EPS8L3: variants seen among roughly 807,000 people sequenced by gnomAD.
EPS8L3 encodes the protein epidermal growth factor receptor kinase substrate 8-like protein 3.
In EPS8L3, 80 loss-of-function variants were observed where a neutral mutation model predicts 88.5. That is an observed-to-expected ratio of 0.90 (90% CI 0.75 to 1.09). The LOEUF is 1.09. EPS8L3 is among the 50% of genes least tolerant of loss of function. EPS8L3 has a pLI of 0.00. For missense variants in EPS8L3, 721 were observed against 735.2 expected, an observed-to-expected ratio of 0.98 and a Z score of 0.22; for synonymous variants, 286 against 291.0, an observed-to-expected ratio of 0.98 and a Z score of 0.18.
In EPS8L3 at chr1:109,757,809, T is replaced by C. The variant is rs775118605; in HGVS notation, c.887A>G (p.Asn296Ser). 3 of 1,613,930 alleles carry C rather than the reference T, an allele frequency of 1.9e-6. No homozygotes were observed. The highest frequency in any genetic ancestry group is 2.2e-5 in the East Asian group (1 of 44,850). Reference sequence around the variant, plus strand: ...TTGTGGGGAGCCACCTACCAGGAGGTTGAAGCTGTGCTTGATCTTCTGGAA... The same window carrying C: ...TTGTGGGGAGCCACCTACCAGGAGGCTGAAGCTGTGCTTGATCTTCTGGAA... ...DCFQKIKHSFNLLGRLATWLK... is the reference protein window; with the variant it reads ...DCFQKIKHSFSLLGRLATWLK... Residue 296 changes from asparagine (N) to serine (S), a missense_variant, in exon 10 of 19, where the codon AAC becomes AGC. Physicochemically the swap from Asn to Ser is conservative, Grantham distance 46 (BLOSUM62 1). Coordinates refer to ENST00000361965, the MANE Select transcript of EPS8L3 (RefSeq NM_133181.4).
intron 12 of EPS8L3, 44 bp from the exon 13 acceptor site, chr1:109,753,242 T>C (rs1649977260): frequency 6.6e-7 from 1 of 1,504,376 alleles, no homozygotes; most frequent in African/African-American, 1.4e-5. Context: ...CTCTGTGAAC[T>C]CTGATGCCAG....
chr1:109,761,369 T>C lies in EPS8L3; in HGVS notation c.96+126A>G, dbSNP rs530527692. Reference sequence around the variant, plus strand: ...TTGGATCTGAGTCCATGCGACATGGTTGGGACAGGCTGTTGGCTTCTGGGG... The same window carrying C: ...TTGGATCTGAGTCCATGCGACATGGCTGGGACAGGCTGTTGGCTTCTGGGG... On this transcript the variant is annotated intron_variant, in intron 3 of 18. Transcript: ENST00000361965. 17 of 780,946 alleles carry C rather than the reference T, an allele frequency of 2.2e-5. No homozygotes were observed. The East Asian group carries it at 3.8e-4, about 17-fold the overall frequency. The allele number at this position is 780,946 out of a possible 1,614,324, so 48.4% of individuals were successfully genotyped here.
At chr1:109,762,389 G>A (rs773422110) in intron 1 of EPS8L3, among the ~76,000 whole-genome samples, 1 of 151,912 alleles carries the variant, frequency 6.6e-6, no homozygotes, top group Non-Finnish European at 1.5e-5. Flanking sequence ...TGTATCCTCT[G>A]CCCAGGTCCC....
At chr1:109,763,253 G>A (rs943157993) in intron 1 of EPS8L3, among the ~76,000 whole-genome samples, 1 of 152,164 alleles carries the variant, frequency 6.6e-6, no homozygotes, top group African/African-American at 2.4e-5. Context: ...GGGGTAAGGC[G>A]GGGCTAGAAG....
intron 16 of EPS8L3, 93 bp downstream of exon 16, chr1:109,751,561 C>T: frequency 1.3e-6 from 2 of 1,582,728 alleles, no homozygotes; most frequent in Non-Finnish European, 1.7e-6. Context: ...CCGAATCAAA[C>T]CAAGACTATC....
chr1:109,755,907 C>G (rs1386220155), intron 12 of EPS8L3, among the ~76,000 whole-genome samples: 2 of 152,256 alleles, frequency 1.3e-5, no homozygotes, highest in Admixed American at 6.5e-5. Flanking sequence ...AAAGCCTTCT[C>G]TCTTGGTTTT....
chr1:109,761,421 T>C, intron 3 of EPS8L3, 74 bp downstream of exon 3: 1 of 1,343,330 alleles, frequency 7.4e-7, no homozygotes. Flanking sequence ...GTGTCCATGT[T>C]CTGGCAGGGC....
At chr1:109,760,208 C>G (rs894077527) in intron 3 of EPS8L3, among the ~76,000 whole-genome samples, 1 of 152,140 alleles carries the variant, frequency 6.6e-6, no homozygotes, top group East Asian at 1.9e-4. Context: ...CAGATTCTGT[C>G]CCTGGCTTCC....
rs745510589 is a variant in EPS8L3, at chr1:109,750,339, C to G, written c.*52G>C. ...CTCGGGGCTCTAATGGGTATCAGAT[C>G]TGCCATCTTGCATCAGCGGGGCCTG... On this transcript the variant is annotated 3_prime_UTR_variant, in exon 19 of 19. Coordinates refer to ENST00000361965, the MANE Select transcript of EPS8L3 (RefSeq NM_133181.4). The G allele has an allele frequency of 2.2e-5, 35 of 1,610,074 alleles. No homozygotes were observed. The highest frequency in any genetic ancestry group is 2.6e-5 in the Non-Finnish European group (31 of 1,177,572).
chr1:109,750,341 G>A lies in EPS8L3; in HGVS notation c.*50C>T. The A allele has an allele frequency of 6.2e-7, 1 of 1,610,272 alleles. No individual in the cohort carries two copies. The highest frequency in any genetic ancestry group is 1.7e-4 in the Middle Eastern group (1 of 5,982). ...CGGGGCTCTAATGGGTATCAGATCT[G>A]CCATCTTGCATCAGCGGGGCCTGGT... On this transcript the variant is annotated 3_prime_UTR_variant, in exon 19 of 19. Transcript: ENST00000361965.
At position 109,759,387 on chromosome 1, in the gene EPS8L3, C is replaced by G. The variant is rs781161635; in HGVS notation, c.256G>C (p.Glu86Gln). ...TCTAGGCGGTAAGAGTCCAGCTCCT[C>G]CTGGGCCAGGTGGAGAGGTCAACTG... is the stretch of plus-strand genomic sequence containing the variant. ...WLQLLDIETK[E>Q]ELDSYRLDSI... is the part of the protein sequence containing the mutation. Residue 86 changes from glutamate to glutamine, a missense_variant and splice_region_variant, in exon 5 of 19, where the codon GAG (glutamate) becomes CAG (glutamine). Transcript: ENST00000361965. This position sits in a 1 kb window ranked among gnomAD's most constrained non-coding sequence, Gnocchi z 4.2. 6.2e-7 allele frequency: 1 copy of G among 1,613,466 alleles called. No homozygotes were observed. Among genetic ancestry groups the G allele is most frequent in the South Asian group, 1.1e-5 (1 of 90,958 alleles).
At position 109,757,569 on chromosome 1, in the gene EPS8L3, G is replaced by T; in HGVS notation, c.895-14C>A. 6.2e-7 allele frequency: 1 copy of T among 1,609,152 alleles called. No homozygotes were observed. On this transcript the variant is annotated splice_polypyrimidine_tract_variant and intron_variant, in intron 10 of 18. Transcript: ENST00000361965. ...GGCCAGCCTTCCCTGGGGACACAGA[G>T]CAATGCCTGTCACCACCCTTCACCC... is the stretch of plus-strand genomic sequence containing the variant.
At position 109,753,116 on chromosome 1, in the gene EPS8L3, C is replaced by G; in HGVS notation, c.1200+1G>C. On this transcript the variant is annotated splice_donor_variant, in intron 13 of 18. Transcript: ENST00000361965. LOFTEE classifies it high-confidence loss of function. ...AGGGCTCTATGCCAAGCTCCCCTTACTTGGCTGGAGGGCTCTGGAAGTTGC... is the reference window on the plus strand; with the variant it reads ...AGGGCTCTATGCCAAGCTCCCCTTAGTTGGCTGGAGGGCTCTGGAAGTTGC... 6.2e-7 allele frequency: 1 copy of G among 1,613,014 alleles called. No individual in the cohort carries two copies. Among genetic ancestry groups the G allele is most frequent in the Non-Finnish European group, 8.5e-7 (1 of 1,179,304 alleles).
intron 1 of EPS8L3, among the ~76,000 whole-genome samples, chr1:109,763,312 G>A (rs930326169): frequency 1.3e-5 from 2 of 149,996 alleles, no homozygotes; most frequent in African/African-American, 4.9e-5. Context: ...AACACTTCCT[G>A]CTTCTCCATG....
intron 12 of EPS8L3, among the ~76,000 whole-genome samples, chr1:109,753,647 G>A (rs1474159740): frequency 1.3e-5 from 2 of 152,182 alleles, no homozygotes; most frequent in Non-Finnish European, 2.9e-5. Flanking sequence ...CAGTGAAGTA[G>A]ACAGCAGCCG....
At chr1:109,760,317 C>A (rs138194153) in intron 3 of EPS8L3, among the ~76,000 whole-genome samples, 1 of 152,178 alleles carries the variant, frequency 6.6e-6, no homozygotes, top group East Asian at 1.9e-4. Context: ...AGATATCCAT[C>A]GTGATCTCAG....
rs912001414 is a variant in EPS8L3, at chr1:109,752,705, G to T, written c.1216C>A (p.Gln406Lys). ...GCATACCGAAGGGAAACAGGGTCCTGGTATCCTAAGGGTGCCTGTAAGGGA... is the reference window on the plus strand; with the variant it reads ...GCATACCGAAGGGAAACAGGGTCCTTGTATCCTAAGGGTGCCTGTAAGGGA... ...EPSSQAPLGY[Q>K]DPVSLRRGSH... The change falls in exon 14 of 19, where the codon CAG becomes AAG. Residue 406 changes from glutamine to lysine, a missense_variant. Coordinates refer to ENST00000361965, the MANE Select transcript of EPS8L3 (RefSeq NM_133181.4). 2 of 1,552,046 alleles carry T rather than the reference G, an allele frequency of 1.3e-6. No individual in the cohort carries two copies. Among genetic ancestry groups the T allele is most frequent in the South Asian group, 1.2e-5 (1 of 84,072 alleles).
At chr1:109,750,547 C>T (rs1045267548) in intron 18 of EPS8L3, 113 bp downstream of exon 18, 7 of 1,586,632 alleles carry the variant, frequency 4.4e-6, no homozygotes, top group Non-Finnish European at 4.3e-6. Flanking sequence ...CAGCACCCGC[C>T]ACACTCAGTT....
Position 109,759,514 on chromosome 1 carries a change from C to T in EPS8L3, c.256-127G>A. ...AGGTGTCATCTACCTGACTCTTGTGCCTCTGTCCCCAGCCTCTGTCCCCTG... is the reference window on the plus strand; with the variant it reads ...AGGTGTCATCTACCTGACTCTTGTGTCTCTGTCCCCAGCCTCTGTCCCCTG... On this transcript the variant is annotated intron_variant, in intron 4 of 18. Transcript: ENST00000361965. The surrounding 1 kb of genome is among the most constrained non-coding windows in gnomAD (Gnocchi z 4.2). 6.6e-7 allele frequency: 1 copy of T among 1,507,008 alleles called. No individual in the cohort carries two copies. 93.4% of individuals were successfully genotyped at this position (1,507,008 alleles called of 1,614,324 possible).
Sources: allele counts gnomAD v4.1 joint callset (sites outside exome capture counted in the v4.1 genomes callset), GRCh38; gene constraint gnomAD v4.1.1; non-coding constraint Gnocchi (gnomAD v3.1); transcripts MANE v1.5; gene names NCBI Gene and HGNC (gene_info 2026-07-23, HGNC 2026-07-21).